Variants in KCNIP4 observed in about 807,000 individuals in gnomAD.
The protein encoded by KCNIP4 is potassium voltage-gated channel interacting protein 4.
Under a neutral mutation model 34.0 loss-of-function variants are expected in KCNIP4, and 12 were observed. That is an observed-to-expected ratio of 0.35 (90% confidence interval 0.23 to 0.57). The LOEUF is 0.57. Among genes scored for constraint, KCNIP4 ranks in the 20% least tolerant of loss-of-function variants. KCNIP4 has a pLI of 0.83. For synonymous variants in KCNIP4, 124 were observed against 102.2 expected, an observed-to-expected ratio of 1.21 and a Z score of -1.29; for missense variants, 238 against 311.7, an observed-to-expected ratio of 0.76 and a Z score of 1.78.
intron 1 of KCNIP4, among the ~76,000 whole-genome samples, chr4:21,879,045 G>A (rs1225806945): frequency 3.3e-5 from 5 of 152,108 alleles, no homozygotes; most frequent in Non-Finnish European, 7.3e-5. Context: ...ATCATGTGCT[G>A]CCTACATTTT....
At chr4:21,613,800 ATTC>A (rs1183422877) in intron 1 of KCNIP4, 1 of 152,076 alleles carries the variant, frequency 6.6e-6, no homozygotes, top group African/African-American at 2.4e-5. Flanking sequence ...CAGGGAAACA[ATTC>A]TTCTATTCCT....
intron 1 of KCNIP4, among the ~76,000 whole-genome samples, chr4:21,898,344 C>A (rs989381181): frequency 6.6e-6 from 1 of 152,112 alleles, no homozygotes; most frequent in South Asian, 2.1e-4. Flanking sequence ...GCTTCCCCAA[C>A]CCCAGGCAGC....
At chr4:21,943,219 T>C (rs1177471542) in intron 1 of KCNIP4, among the ~76,000 whole-genome samples, 2 of 152,126 alleles carry the variant, frequency 1.3e-5, no homozygotes, top group African/African-American at 2.4e-5. Flanking sequence ...CAGATCTATA[T>C]CAACAATAAA....
At chr4:21,671,907 A>C (rs1168650799) in intron 1 of KCNIP4, among the ~76,000 whole-genome samples, 2 of 152,188 alleles carry the variant, frequency 1.3e-5, no homozygotes, top group East Asian at 3.9e-4. Flanking sequence ...AAGCAAACGC[A>C]TCCCACTAGA....
At chr4:21,647,074 A>G (rs1475783631) in intron 1 of KCNIP4, among the ~76,000 whole-genome samples, 1 of 152,146 alleles carries the variant, frequency 6.6e-6, no homozygotes, top group East Asian at 1.9e-4. Flanking sequence ...ATCCTAAAGT[A>G]TTCTAAAACA....
chr4:21,883,152 AGTT>A (rs1726556046), intron 1 of KCNIP4, among the ~76,000 whole-genome samples: 3 of 135,950 alleles, frequency 2.2e-5, no homozygotes, highest in Non-Finnish European at 3.1e-5. Flanking sequence ...TTTGTTTCTG[AGTT>A]GTTGTTTTTT....
At chr4:20,763,705 C>T (rs1180804354) in intron 3 of KCNIP4, among the ~76,000 whole-genome samples, 1 of 152,094 alleles carries the variant, frequency 6.6e-6, no homozygotes, top group African/African-American at 2.4e-5. Flanking sequence ...AGTTCTCCCA[C>T]TGATGCTTTA....
chr4:21,183,376 C>A (rs967287931), intron 1 of KCNIP4, among the ~76,000 whole-genome samples: 3 of 151,584 alleles, frequency 2.0e-5, no homozygotes, highest in Non-Finnish European at 4.4e-5. Flanking sequence ...TGGATATATA[C>A]CCAGAAGTAA....
intron 1 of KCNIP4, among the ~76,000 whole-genome samples, chr4:20,999,871 C>G (rs1231935673): frequency 6.6e-6 from 1 of 152,130 alleles, no homozygotes; most frequent in Non-Finnish European, 1.5e-5. Context: ...GTGCAAAGCT[C>G]TGAAACAAGA....
chr4:21,322,001 AAAGG>A (rs1478224368), intron 1 of KCNIP4, among the ~76,000 whole-genome samples: 4 of 135,006 alleles, frequency 3.0e-5, no homozygotes, highest in East Asian at 5.1e-4. Context: ...GAGAAGGAAA[AAAGG>A]AAGGAAGGAG....
chr4:21,385,295 G>A (rs1411860010), intron 1 of KCNIP4, among the ~76,000 whole-genome samples: 2 of 152,156 alleles, frequency 1.3e-5, no homozygotes, highest in African/African-American at 4.8e-5. Flanking sequence ...TTAAGTAGGA[G>A]TCAAGACAGA....
intron 1 of KCNIP4, among the ~76,000 whole-genome samples, chr4:21,909,931 T>C (rs1378634395): frequency 6.6e-6 from 1 of 152,024 alleles, no homozygotes. Flanking sequence ...TTCAATTATC[T>C]CCCACCAGGT....
intron 1 of KCNIP4, among the ~76,000 whole-genome samples, chr4:21,340,784 C>A (rs1232817034): frequency 1.3e-5 from 2 of 152,050 alleles, no homozygotes; most frequent in Non-Finnish European, 2.9e-5. Context: ...TTTGTGGGAA[C>A]TAAAGCTTCA....
intron 1 of KCNIP4, among the ~76,000 whole-genome samples, chr4:21,428,247 ATCGTATAG>A (rs1300384711): frequency 1.3e-5 from 2 of 152,186 alleles, no homozygotes; most frequent in African/African-American, 4.8e-5. Context: ...AGAGAATGAC[ATCGTATAG>A]TCGTTTTTAA....
At chr4:21,697,763 C>T (rs1712503758) in intron 1 of KCNIP4, 1 of 816,672 alleles carries the variant, frequency 1.2e-6, no homozygotes, top group Non-Finnish European at 1.5e-6. Flanking sequence ...CATCCCCTCT[C>T]CAGAAGCAGT....
chr4:21,347,214 G>T (rs1717528486), intron 1 of KCNIP4, among the ~76,000 whole-genome samples: 1 of 152,176 alleles, frequency 6.6e-6, no homozygotes, highest in Non-Finnish European at 1.5e-5. Flanking sequence ...GAACAATGAG[G>T]CTACCAGGAG....
Position 21,124,057 on chromosome 4 carries a change from CA to C in KCNIP4, c.62-241349del, listed in dbSNP as rs1294362645. Among the ~76,000 whole-genome samples, 868 of 150,154 alleles carry C rather than the reference CA, an allele frequency of 5.8e-3. 14 individuals are homozygous for C. The highest frequency in any genetic ancestry group is 0.02 in the African/African-American group (815 of 40,940). ...CAAAAAAACAACAAAAAAAAAACAA[CA>C]AAAAAAACCTATATTTTCTTTAAAA... On this transcript the variant is annotated intron_variant, in intron 1 of 8. Transcript: ENST00000382152.
chr4:20,880,574 A>T (rs1263514050), intron 2 of KCNIP4, among the ~76,000 whole-genome samples: 1 of 152,130 alleles, frequency 6.6e-6, no homozygotes, highest in African/African-American at 2.4e-5. Context: ...TGGCTTTATC[A>T]GACGCTGGTG....
At chr4:21,095,201 T>C (rs1246484010) in intron 1 of KCNIP4, among the ~76,000 whole-genome samples, 1 of 152,196 alleles carries the variant, frequency 6.6e-6, no homozygotes, top group Non-Finnish European at 1.5e-5. Flanking sequence ...TGTGTGATCA[T>C]TCATGTTGTT....
Sources: gnomAD v4.1 joint callset for allele counts (sites outside exome capture counted in the v4.1 genomes callset) on GRCh38, gnomAD v4.1.1 for gene constraint, MANE v1.5 for transcripts, NCBI Gene and HGNC (gene_info 2026-07-23, HGNC 2026-07-21) for gene names.